Variants in RBFOX1 observed in about 807,000 individuals in gnomAD.
RBFOX1 encodes the protein RNA binding fox-1 homolog 1.
RBFOX1 carries 8 observed loss-of-function variants against 57.7 expected under a neutral mutation model. That is an observed-to-expected ratio of 0.14 (90% CI 0.08 to 0.25). The LOEUF (loss-of-function observed/expected upper bound fraction) is 0.25. RBFOX1 is among the 10% of genes least tolerant of loss of function. The pLI, the probability that RBFOX1 is intolerant of heterozygous loss-of-function variation, is 1.00. For missense variants in RBFOX1, 611 were observed against 548.5 expected (o/e 1.11, Z -1.14); for synonymous variants, 326 against 222.4 (o/e 1.47, Z -4.15).
intron 3 of RBFOX1, among the ~76,000 whole-genome samples, chr16:5,842,070 C>A (rs1053637137): frequency 1.3e-5 from 2 of 152,112 alleles, no homozygotes; most frequent in African/African-American, 2.4e-5. Flanking sequence ...TGAATCTCTG[C>A]CCTGAATCAT....
At chr16:5,804,036 T>C (rs2055148841) in intron 3 of RBFOX1, among the ~76,000 whole-genome samples, 1 of 152,212 alleles carries the variant, frequency 6.6e-6, no homozygotes, top group East Asian at 1.9e-4. Flanking sequence ...GTATTAAAGA[T>C]GGTCTGCAAT....
chr16:6,619,252 A>G (rs764563805), intron 2 of RBFOX1, among the ~76,000 whole-genome samples: 2 of 151,972 alleles, frequency 1.3e-5, no homozygotes, highest in Non-Finnish European at 2.9e-5. Context: ...TGTTGTTGCC[A>G]AACAACTCTA....
chr16:7,221,408 C>A (rs943172761), intron 4 of RBFOX1, among the ~76,000 whole-genome samples: 12 of 151,004 alleles, frequency 7.9e-5, no homozygotes, highest in African/African-American at 2.7e-4. Context: ...GCTCTGTCGT[C>A]CAGGATAGAG....
At chr16:7,025,885 A>G (rs895573610) in intron 3 of RBFOX1, among the ~76,000 whole-genome samples, 6 of 152,118 alleles carry the variant, frequency 3.9e-5, no homozygotes, top group African/African-American at 1.4e-4. Flanking sequence ...GCTGCTTAAT[A>G]GTACAGGCCT....
intron 5 of RBFOX1, among the ~76,000 whole-genome samples, chr16:7,566,157 T>C (rs775280616): frequency 6.6e-6 from 1 of 152,168 alleles, no homozygotes; most frequent in Non-Finnish European, 1.5e-5. Context: ...AGAGTGTTTA[T>C]CCATAGGATG....
chr16:6,450,750 T>TATATATATAC (rs2094572404), intron 2 of RBFOX1, among the ~76,000 whole-genome samples: 2 of 63,314 alleles, frequency 3.2e-5, no homozygotes, highest in African/African-American at 1.2e-4. Flanking sequence ...TTTATATATA[T>TATATATATAC]ATACATATAT....
At chr16:7,397,314 C>T (rs2098157606) in intron 4 of RBFOX1, among the ~76,000 whole-genome samples, 1 of 152,114 alleles carries the variant, frequency 6.6e-6, no homozygotes, top group African/African-American at 2.4e-5. Context: ...AGATATTTAA[C>T]ATGCTATTCA....
intron 4 of RBFOX1, among the ~76,000 whole-genome samples, chr16:7,403,576 C>CT (rs1285908372): frequency 3.1e-4 from 25 of 79,972 alleles, no homozygotes; most frequent in Non-Finnish European, 4.5e-4. Context: ...CCCCCCCCCA[C>CT]TTTTTTTTTG....
At chr16:5,568,710 G>A (rs1453686279) in intron 2 of RBFOX1, among the ~76,000 whole-genome samples, 1 of 152,134 alleles carries the variant, frequency 6.6e-6, no homozygotes, top group African/African-American at 2.4e-5. Flanking sequence ...TTCTTCTTCT[G>A]CTCTCAGATT....
intron 4 of RBFOX1, among the ~76,000 whole-genome samples, chr16:7,170,650 G>T (rs530667531): frequency 6.6e-6 from 1 of 152,206 alleles, no homozygotes; most frequent in East Asian, 1.9e-4. Flanking sequence ...GTATCTTTTA[G>T]CCCTAAGCTG....
chr16:5,484,546 G>T (rs1484320699), intron 2 of RBFOX1, among the ~76,000 whole-genome samples: 1 of 152,218 alleles, frequency 6.6e-6, no homozygotes, highest in African/African-American at 2.4e-5. Flanking sequence ...GGGAGGCTGA[G>T]GCAGGAAGAC....
chr16:6,747,875 T>C (rs2074095030), intron 3 of RBFOX1, among the ~76,000 whole-genome samples: 1 of 152,128 alleles, frequency 6.6e-6, no homozygotes, highest in African/African-American at 2.4e-5. Flanking sequence ...AGGCAATCCA[T>C]ACCTTATGGC....
chr16:6,858,486 A>G (rs2058318071), intron 3 of RBFOX1, among the ~76,000 whole-genome samples: 1 of 152,170 alleles, frequency 6.6e-6, no homozygotes, highest in African/African-American at 2.4e-5. Flanking sequence ...GTTTCCGGGC[A>G]GAGGTAGAAC....
At chr16:6,169,740 T>C (rs1022428089) in intron 1 of RBFOX1, among the ~76,000 whole-genome samples, 1 of 152,210 alleles carries the variant, frequency 6.6e-6, no homozygotes, top group Admixed American at 6.5e-5. Flanking sequence ...CAGTTGTTGT[T>C]ACAGGCACAT....
At chr16:7,367,581 G>C (rs1348723129) in intron 4 of RBFOX1, among the ~76,000 whole-genome samples, 1 of 152,112 alleles carries the variant, frequency 6.6e-6, no homozygotes, top group Non-Finnish European at 1.5e-5. Context: ...AATCTAATCA[G>C]CTCACAATAG....
At chr16:6,824,793 T>C (rs35404550) in intron 3 of RBFOX1, among the ~76,000 whole-genome samples, 6,513 of 151,982 alleles carry the variant, frequency 0.043, 194 homozygotes, top group Non-Finnish European at 0.061. Flanking sequence ...GAATTAAATA[T>C]ATTTTTAAAT....
At chr16:6,675,522 C>T (rs2057484576) in intron 3 of RBFOX1, among the ~76,000 whole-genome samples, 1 of 152,114 alleles carries the variant, frequency 6.6e-6, no homozygotes, top group Non-Finnish European at 1.5e-5. Flanking sequence ...ATTGCTGAAC[C>T]AGGCCCTGCC....
At chr16:5,993,640 C>T (rs997197105) in intron 4 of RBFOX1, among the ~76,000 whole-genome samples, 2 of 152,096 alleles carry the variant, frequency 1.3e-5, no homozygotes, top group Non-Finnish European at 1.5e-5. Context: ...CATTAGTTCT[C>T]CATCAAGGAG....
chr16:6,928,093 T>C (rs1423409996), intron 3 of RBFOX1, among the ~76,000 whole-genome samples: 1 of 152,182 alleles, frequency 6.6e-6, no homozygotes, highest in Non-Finnish European at 1.5e-5. Flanking sequence ...TTCTTTACTT[T>C]GGTTCCCTTC....
Sources: gnomAD v4.1 joint callset for allele counts (sites outside exome capture counted in the v4.1 genomes callset) on GRCh38, gnomAD v4.1.1 for gene constraint, MANE v1.5 for transcripts, NCBI Gene and HGNC (gene_info 2026-07-23, HGNC 2026-07-21) for gene names.